SMURF2: variants seen among roughly 807,000 people sequenced by gnomAD.
SMURF2 encodes SMAD specific E3 ubiquitin protein ligase 2.
A neutral mutation model predicts 109.6 loss-of-function variants in SMURF2; 48 were observed. The ratio of observed to expected loss-of-function variants is 0.44; its 90% CI spans 0.35 to 0.56. SMURF2 has a LOEUF of 0.56. SMURF2 is among the 20% of genes least tolerant of loss of function. The probability of loss-of-function intolerance (pLI) is 0.01; values close to 1 mark genes in which losing one functional copy is unlikely to be tolerated. For missense variants in SMURF2, 575 were observed against 909.0 expected, an observed-to-expected ratio of 0.63 and a Z score of 4.72; for synonymous variants, 288 against 317.1, an observed-to-expected ratio of 0.91 and a Z score of 0.97.
At chr17:64,635,862 G>T (rs1555692028) in intron 1 of SMURF2, among the ~76,000 whole-genome samples, 1 of 152,160 alleles carries the variant, frequency 6.6e-6, no homozygotes, top group Non-Finnish European at 1.5e-5. Context: ...GAGTCATGTA[G>T]TAACTATGTT....
At chr17:64,617,201 T>G (rs1250502029) in intron 1 of SMURF2, among the ~76,000 whole-genome samples, 1 of 152,066 alleles carries the variant, frequency 6.6e-6, no homozygotes, top group African/African-American at 2.4e-5. Flanking sequence ...ATTCTCCTCT[T>G]TCAACAGATA....
intron 10 of SMURF2, among the ~76,000 whole-genome samples, chr17:64,567,140 G>A (rs1441936039): frequency 6.6e-6 from 1 of 151,884 alleles, no homozygotes; most frequent in Non-Finnish European, 1.5e-5. Context: ...TTACCAGTGT[G>A]AGCCACCATG....
rs2144578533 is a variant in SMURF2, at chr17:64,544,856, C to T, written c.*992G>A. On this transcript the variant is annotated 3_prime_UTR_variant, in exon 19 of 19. Transcript: ENST00000262435. ...GGATGGTTTTGTTAATGGAAACTTACACTGTAGTTAAAATACAATATAAAT... is the reference window on the plus strand; with the variant it reads ...GGATGGTTTTGTTAATGGAAACTTATACTGTAGTTAAAATACAATATAAAT... The T allele has an allele frequency of 6.6e-6, 1 of 152,664 alleles. No homozygotes were observed. Among genetic ancestry groups the T allele is most frequent in the Non-Finnish European group, 1.5e-5 (1 of 68,024 alleles). The allele number at this position is 152,664 out of a possible 1,614,324, so 9.5% of individuals were successfully genotyped here. A position where few individuals can be genotyped will look rare whatever the true frequency, so the allele number is the denominator to read the frequency against.
chr17:64,598,633 T>TA (rs1220941132), intron 2 of SMURF2, 143 bp from the exon 3 acceptor site: 232 of 591,616 alleles, frequency 3.9e-4, no homozygotes, highest in East Asian at 6.0e-4. Flanking sequence ...GTCCATTTTT[T>TA]AAAAAAAAAG....
intron 7 of SMURF2, among the ~76,000 whole-genome samples, chr17:64,582,602 A>T (rs782774992): frequency 1.3e-5 from 2 of 150,714 alleles, no homozygotes; most frequent in South Asian, 2.1e-4. Flanking sequence ...ATTTTATTTT[A>T]TTTGTTTTAT....
At chr17:64,563,041 T>A in intron 10 of SMURF2, 75 bp from the exon 11 acceptor site, 1 of 1,268,240 alleles carries the variant, frequency 7.9e-7, no homozygotes, top group Non-Finnish European at 1.1e-6. Flanking sequence ...TAAAATAGCA[T>A]CATATTATAA....
chr17:64,554,717 C>T (rs1446654284), intron 15 of SMURF2, 139 bp downstream of exon 15: 2 of 711,868 alleles, frequency 2.8e-6, no homozygotes, highest in Non-Finnish European at 4.5e-6. Flanking sequence ...AATAAAATGT[C>T]TGTTCTAAAT....
At position 64,544,197 on chromosome 17, in the gene SMURF2, G is replaced by A. The variant is rs900842765; in HGVS notation, c.*1651C>T. On this transcript the variant is annotated 3_prime_UTR_variant, in exon 19 of 19. Coordinates refer to ENST00000262435, the MANE Select transcript of SMURF2 (RefSeq NM_022739.4). ...GAAAAATGGGCTGTTCTGGGTAAAGGGGGTGGGGATATGGAGCCTAAGGCC... is the reference window on the plus strand; with the variant it reads ...GAAAAATGGGCTGTTCTGGGTAAAGAGGGTGGGGATATGGAGCCTAAGGCC... The A allele has an allele frequency of 1.3e-5, 2 of 151,938 alleles. No individual in the cohort carries two copies. Among genetic ancestry groups the A allele is most frequent in the Non-Finnish European group, 2.9e-5 (2 of 68,002 alleles). The allele number at this position is 151,938 out of a possible 1,614,324, so 9.4% of individuals were successfully genotyped here.
chr17:64,572,024 G>A lies in SMURF2; in HGVS notation c.858-68C>T, dbSNP rs1347191071. ...CCTGCTGAACCAAGCAAGTGTAAAT[G>A]ACACAGAACAATTCCACAAAGTGTG... On this transcript the variant is annotated intron_variant, in intron 9 of 18. Transcript: ENST00000262435. 5 of 1,339,338 alleles carry A rather than the reference G, an allele frequency of 3.7e-6. No individual in the cohort carries two copies. The East Asian group carries it at 7.4e-5, about 20-fold the overall frequency. 83.0% of individuals were successfully genotyped at this position (1,339,338 alleles called of 1,614,324 possible).
intron 1 of SMURF2, among the ~76,000 whole-genome samples, chr17:64,644,097 C>G (rs1598312850): frequency 6.6e-6 from 1 of 152,152 alleles, no homozygotes; most frequent in African/African-American, 2.4e-5. Flanking sequence ...CCTCTGCCTG[C>G]TGGGCTCAAA....
chr17:64,588,405 A>T (rs1969697980), intron 5 of SMURF2, among the ~76,000 whole-genome samples: 1 of 152,012 alleles, frequency 6.6e-6, no homozygotes, highest in Non-Finnish European at 1.5e-5. Flanking sequence ...ATAGCAAAAA[A>T]ATTTTTTAAT....
Position 64,546,309 on chromosome 17 carries a change from G to A in SMURF2, c.2101C>T (p.His701Tyr). 1 of 1,613,914 alleles carries A rather than the reference G, an allele frequency of 6.2e-7. No individual in the cohort carries two copies. The highest frequency in any genetic ancestry group is 2.2e-5 in the East Asian group (1 of 44,882). The change falls in exon 18 of 19, where the codon CAC becomes TAC. Residue 701 changes from histidine to tyrosine, a missense_variant. By Grantham distance (83) the His-to-Tyr change is moderately conservative. Around this residue, in one of 5 missense-constraint regions of SMURF2, gnomAD observed 361 missense variants for 612.1 expected, o/e 0.59. Transcript: ENST00000262435. ...GAAGPRLFTIHQIDACTNNLP... is the reference protein window; with the variant it reads ...GAAGPRLFTIYQIDACTNNLP... ...TTGTTAGTGCAGGCATCAATCTGGT[G>A]TATGGTAAAGAGTCTCGGGCCTGCA...
intron 10 of SMURF2, 160 bp from the exon 11 acceptor site, chr17:64,563,126 A>G: frequency 1.8e-6 from 1 of 571,324 alleles, no homozygotes; most frequent in East Asian, 2.9e-5. Context: ...GCAGCAATAA[A>G]CCAGCTACAA....
intron 1 of SMURF2, among the ~76,000 whole-genome samples, chr17:64,658,378 T>C (rs1165240895): frequency 2.6e-5 from 4 of 152,202 alleles, no homozygotes; most frequent in African/African-American, 9.6e-5. Context: ...GTCATTATGA[T>C]GTATAGGCAT....
At chr17:64,569,756 A>G (rs1969372780) in intron 10 of SMURF2, among the ~76,000 whole-genome samples, 1 of 152,274 alleles carries the variant, frequency 6.6e-6, no homozygotes, top group African/African-American at 2.4e-5. Context: ...CTAAACTGGC[A>G]TAGCCACTTT....
intron 1 of SMURF2, among the ~76,000 whole-genome samples, chr17:64,659,516 C>CTTT (rs60004963): frequency 6.6e-5 from 9 of 135,614 alleles, no homozygotes; most frequent in African/African-American, 2.5e-4. Flanking sequence ...AAAGAATCAA[C>CTTT]TTTTTTTTTT....
chr17:64,627,236 T>C (rs1970280188), intron 1 of SMURF2, among the ~76,000 whole-genome samples: 1 of 149,612 alleles, frequency 6.7e-6, no homozygotes, highest in Admixed American at 6.7e-5. Context: ...TGCCTCAGCC[T>C]CCCGAGTAGC....
At chr17:64,630,973 A>G (rs998967602) in intron 1 of SMURF2, among the ~76,000 whole-genome samples, 27 of 151,982 alleles carry the variant, frequency 1.8e-4, no homozygotes, top group Admixed American at 1.7e-3. Context: ...GAGCAGCTTC[A>G]TAAGAGTAGT....
chr17:64,566,086 G>A lies in SMURF2; in HGVS notation c.1017-3120C>T, dbSNP rs184134363. On this transcript the variant is annotated intron_variant, in intron 10 of 18. Coordinates refer to ENST00000262435, the MANE Select transcript of SMURF2 (RefSeq NM_022739.4). ...CTCATAGACATAGATTCAAAACTCC[G>A]TTAACACTTGTCTAAAGAAAAACCC... Among the ~76,000 whole-genome samples, 337 of 151,012 alleles carry A rather than the reference G, an allele frequency of 2.2e-3. 1 individual carries two copies. The highest frequency in any genetic ancestry group is 6.8e-3 in the Middle Eastern group (2 of 292).
Sources: allele counts gnomAD v4.1 joint callset (sites outside exome capture counted in the v4.1 genomes callset), GRCh38; gene constraint gnomAD v4.1.1; regional missense constraint gnomAD v4.1.1; transcripts MANE v1.5; gene names NCBI Gene and HGNC (gene_info 2026-07-23, HGNC 2026-07-21).